Variants in GABPB1 observed in about 807,000 individuals in gnomAD.
The protein encoded by GABPB1 is GA binding protein transcription factor subunit beta 1, also known as GA-binding protein subunit beta-1.
In GABPB1, 15 loss-of-function variants were observed where a neutral mutation model predicts 45.9. The observed-to-expected ratio is 0.33, with a 90% CI of 0.22 to 0.50. The LOEUF is 0.50. Ranked by LOEUF, GABPB1 falls within the 20% of genes least tolerant of loss-of-function variation. GABPB1 has a pLI of 0.98. For missense variants in GABPB1, 252 were observed against 457.5 expected, an observed-to-expected ratio of 0.55 and a Z score of 4.10; for synonymous variants, 143 against 154.4, an observed-to-expected ratio of 0.93 and a Z score of 0.55.
At chr15:50,286,771 A>G (rs1217258969) in intron 7 of GABPB1, among the ~76,000 whole-genome samples, 1 of 152,140 alleles carries the variant, frequency 6.6e-6, no homozygotes, top group Non-Finnish European at 1.5e-5. Context: ...TTTGTATTGT[A>G]CTGTTGGGCT....
intron 8 of GABPB1, among the ~76,000 whole-genome samples, chr15:50,281,480 G>A (rs924174293): frequency 2.0e-5 from 3 of 152,178 alleles, no homozygotes; most frequent in Non-Finnish European, 2.9e-5. Context: ...CAAAGTGCTA[G>A]GATTACAGGC....
intron 6 of GABPB1, among the ~76,000 whole-genome samples, chr15:50,292,561 C>T (rs925097545): frequency 1.3e-5 from 2 of 152,084 alleles, no homozygotes; most frequent in African/African-American, 4.8e-5. Flanking sequence ...ATATTATGAG[C>T]CTCCTTACGT....
At chr15:50,282,246 C>G (rs1439073594) in intron 8 of GABPB1, 1 of 452,010 alleles carries the variant, frequency 2.2e-6, no homozygotes, top group Non-Finnish European at 4.4e-6. Context: ...CATAAAAACA[C>G]TAATTTAAAA....
chr15:50,340,290 T>C (rs2048303351), intron 1 of GABPB1, among the ~76,000 whole-genome samples: 1 of 152,200 alleles, frequency 6.6e-6, no homozygotes, highest in African/African-American at 2.4e-5. Flanking sequence ...TAGTTTATAT[T>C]TTGTTATAGT....
intron 1 of GABPB1, among the ~76,000 whole-genome samples, chr15:50,314,246 T>C (rs57485988): frequency 6.6e-6 from 1 of 151,912 alleles, no homozygotes; most frequent in African/African-American, 2.4e-5. Context: ...TGCAGTGGCG[T>C]GATCTCGGCT....
intron 1 of GABPB1, among the ~76,000 whole-genome samples, chr15:50,311,243 G>T (rs987987394): frequency 6.6e-6 from 1 of 152,144 alleles, no homozygotes; most frequent in Non-Finnish European, 1.5e-5. Context: ...AGACTATCCA[G>T]CTGGAAGATT....
chr15:50,288,136 C>G (rs1349692162), intron 7 of GABPB1, among the ~76,000 whole-genome samples: 1 of 152,222 alleles, frequency 6.6e-6, no homozygotes, highest in Non-Finnish European at 1.5e-5. Flanking sequence ...ACTGCAGCCT[C>G]AAACTCCTGG....
At chr15:50,346,718 G>T (rs1186928886) in intron 1 of GABPB1, among the ~76,000 whole-genome samples, 1 of 151,112 alleles carries the variant, frequency 6.6e-6, no homozygotes, top group Non-Finnish European at 1.5e-5. Context: ...ATCTGGTAAG[G>T]GCCAGCTTCT....
intron 1 of GABPB1, among the ~76,000 whole-genome samples, chr15:50,320,235 T>C (rs950516703): frequency 5.3e-5 from 8 of 152,246 alleles, no homozygotes; most frequent in African/African-American, 1.7e-4. Flanking sequence ...TAGCACAATC[T>C]TGGCTCACTG....
Position 50,275,608 on chromosome 15 carries a change from C to T in GABPB1, c.*3024G>A, listed in dbSNP as rs938898912. On this transcript the variant is annotated 3_prime_UTR_variant, in exon 9 of 9. Transcript: ENST00000380877. ...CATTACATGAGATTTCCCATTTATC[C>T]TCTTTTCTCTCTAATTGTCTTCCCA... is the stretch of plus-strand genomic sequence containing the variant. 2 of 152,268 alleles carry T rather than the reference C, an allele frequency of 1.3e-5. No individual in the cohort carries two copies. The highest frequency in any genetic ancestry group is 2.4e-5 in the African/African-American group (1 of 41,558). 9.4% of individuals were successfully genotyped at this position (152,268 alleles called of 1,614,324 possible).
At chr15:50,313,226 T>C (rs925477774) in intron 1 of GABPB1, among the ~76,000 whole-genome samples, 4 of 152,172 alleles carry the variant, frequency 2.6e-5, no homozygotes, top group Admixed American at 1.3e-4. Flanking sequence ...CAGGACCATA[T>C]GTTTTACAGA....
chr15:50,338,575 G>A (rs550525023), intron 1 of GABPB1, among the ~76,000 whole-genome samples: 3 of 152,202 alleles, frequency 2.0e-5, no homozygotes, highest in East Asian at 3.9e-4. Context: ...CTGGGCTCAA[G>A]AGATCCTCCC....
chr15:50,304,210 T>C (rs1262165098), intron 2 of GABPB1, 77 bp from the exon 3 acceptor site: 1 of 1,239,890 alleles, frequency 8.1e-7, no homozygotes, highest in African/African-American at 1.5e-5. Context: ...AAACAGATTT[T>C]CTTTACATTA....
intron 1 of GABPB1, among the ~76,000 whole-genome samples, chr15:50,330,441 T>A (rs1308733692): frequency 6.6e-6 from 1 of 152,212 alleles, no homozygotes; most frequent in East Asian, 1.9e-4. Flanking sequence ...TTTGAGTCCC[T>A]CTATCAACTG....
chr15:50,280,360 A>G (rs989995739), intron 8 of GABPB1, among the ~76,000 whole-genome samples: 1 of 152,174 alleles, frequency 6.6e-6, no homozygotes, highest in Non-Finnish European at 1.5e-5. Flanking sequence ...CTTTAAGGAC[A>G]CCAATGGAAG....
At chr15:50,337,794 T>C (rs2048201263) in intron 1 of GABPB1, among the ~76,000 whole-genome samples, 1 of 152,026 alleles carries the variant, frequency 6.6e-6, no homozygotes, top group Admixed American at 6.6e-5. Flanking sequence ...AAAGAATTAC[T>C]TAGTTCTTTT....
intron 1 of GABPB1, among the ~76,000 whole-genome samples, chr15:50,329,046 G>A (rs192369954): frequency 6.6e-6 from 1 of 152,274 alleles, no homozygotes; most frequent in East Asian, 1.9e-4. Context: ...GCCAAGGAGA[G>A]CCTTTTCGAT....
Position 50,278,420 on chromosome 15 carries a change from A to AG in GABPB1, c.*211_*212insC, listed in dbSNP as rs1349521142. The AG allele has an allele frequency of 5.6e-6, 2 of 360,218 alleles. No homozygotes were observed. The highest frequency in any genetic ancestry group is 4.2e-5 in the African/African-American group (2 of 47,446). The allele number at this position is 360,218 out of a possible 1,614,324, so 22.3% of individuals were successfully genotyped here. A position where few individuals can be genotyped will look rare whatever the true frequency, so the allele number is the denominator to read the frequency against. ...CATTTGGAACTGTAAAAAAAAAAAAACTATTTACAGAATTCAGTTTTAAAT... is the reference window on the plus strand; with the variant it reads ...CATTTGGAACTGTAAAAAAAAAAAAAGCTATTTACAGAATTCAGTTTTAAAT... On this transcript the variant is annotated 3_prime_UTR_variant, in exon 9 of 9. Coordinates refer to ENST00000380877, the MANE Select transcript of GABPB1 (RefSeq NM_016654.5).
chr15:50,337,336 T>C (rs1480556822), intron 1 of GABPB1, among the ~76,000 whole-genome samples: 2 of 151,624 alleles, frequency 1.3e-5, no homozygotes, highest in Non-Finnish European at 2.9e-5. Context: ...TGAGATTCTG[T>C]AATATTATTT....
Sources: allele counts gnomAD v4.1 joint callset (sites outside exome capture counted in the v4.1 genomes callset), GRCh38; gene constraint gnomAD v4.1.1; transcripts MANE v1.5; gene names NCBI Gene and HGNC (gene_info 2026-07-23, HGNC 2026-07-21).